ARHGAP6: variants seen among roughly 807,000 people sequenced by gnomAD.
ARHGAP6 encodes the protein Rho GTPase activating protein 6.
ARHGAP6 carries 16 observed loss-of-function variants against 55.7 expected under a neutral mutation model. The observed-to-expected ratio is 0.29, with a 90% CI of 0.19 to 0.44. The LOEUF (loss-of-function observed/expected upper bound fraction) is 0.44. Among genes scored for constraint, ARHGAP6 ranks in the 20% least tolerant of loss-of-function variants. ARHGAP6 has a pLI of 1.00. For synonymous variants in ARHGAP6, 382 were observed against 360.9 expected (o/e 1.06, Z -0.66); for missense variants, 698 against 808.9 (o/e 0.86, Z 1.66).
At chrX:11,386,217 T>C (rs950149752) in intron 1 of ARHGAP6, among the ~76,000 whole-genome samples, 1 of 113,038 alleles carries the variant, frequency 8.8e-6, no homozygotes, top group Non-Finnish European at 1.9e-5. Flanking sequence ...TTGCAATGAC[T>C]CAGATACTAG....
intron 9 of ARHGAP6, among the ~76,000 whole-genome samples, chrX:11,157,256 T>C (rs2045876265): frequency 8.9e-6 from 1 of 112,481 alleles, no homozygotes; most frequent in African/African-American, 3.2e-5. Flanking sequence ...AAATGACTTA[T>C]TATATGTTGA....
At chrX:11,512,061 T>C (rs5935090) in intron 1 of ARHGAP6, among the ~76,000 whole-genome samples, 2,260 of 111,019 alleles carry the variant, frequency 0.02, 29 homozygotes, top group Middle Eastern at 0.069. Context: ...CTCCTGACCT[T>C]GTGATCTGTC....
chrX:11,522,139 G>T (rs895714932), intron 1 of ARHGAP6, among the ~76,000 whole-genome samples: 1 of 111,186 alleles, frequency 9.0e-6, no homozygotes, highest in Non-Finnish European at 1.9e-5. Flanking sequence ...ATGACTACTG[G>T]GTACATAACG....
At chrX:11,274,914 C>G (rs1287256046) in intron 1 of ARHGAP6, among the ~76,000 whole-genome samples, 1 of 111,528 alleles carries the variant, frequency 9.0e-6, no homozygotes, top group Non-Finnish European at 1.9e-5. Context: ...CACTCAATGT[C>G]TAATTTTCTT....
chrX:11,623,993 A>C (rs973518677), intron 1 of ARHGAP6, among the ~76,000 whole-genome samples: 5 of 111,673 alleles, frequency 4.5e-5, no homozygotes, highest in African/African-American at 1.6e-4. Context: ...GCAAAGCTAT[A>C]GCAACCAAGC....
rs777634046 is a variant in ARHGAP6, at chrX:11,246,538, G to A, written c.748+8010C>T. Reference sequence around the variant, plus strand: ...TCCATTCACATCTCAAAGATTTGCTGAGGGCCACTTGTGTATTAGGCAGTA... The same window carrying A: ...TCCATTCACATCTCAAAGATTTGCTAAGGGCCACTTGTGTATTAGGCAGTA... On this transcript the variant is annotated intron_variant, in intron 2 of 12. Transcript: ENST00000337414. 2.7e-5 allele frequency among the ~76,000 whole-genome samples: 3 copies of A among 111,903 alleles called. No homozygotes were observed. In the East Asian group the frequency reaches 8.4e-4, roughly 31 times the overall value.
intron 1 of ARHGAP6, among the ~76,000 whole-genome samples, chrX:11,643,236 AT>A (rs2052493692): frequency 8.9e-6 from 1 of 112,180 alleles, no homozygotes; most frequent in African/African-American, 3.2e-5. Context: ...TTGTAAAAAA[AT>A]AAGTCTAAAA....
chrX:11,596,831 T>A (rs971101072), intron 1 of ARHGAP6, among the ~76,000 whole-genome samples: 2 of 111,853 alleles, frequency 1.8e-5, no homozygotes, highest in Non-Finnish European at 3.8e-5. Context: ...GGCTTGTGAG[T>A]GTCTTGATAT....
intron 1 of ARHGAP6, among the ~76,000 whole-genome samples, chrX:11,349,651 G>C (rs1218948484): frequency 8.9e-6 from 1 of 112,132 alleles, no homozygotes; most frequent in Non-Finnish European, 1.9e-5. Flanking sequence ...GGAATATTAT[G>C]AAATCCAGTA....
intron 1 of ARHGAP6, among the ~76,000 whole-genome samples, chrX:11,520,845 A>T (rs1194975598): frequency 9.0e-6 from 1 of 111,666 alleles, no homozygotes; most frequent in African/African-American, 3.3e-5. Context: ...CTTTTGAATG[A>T]TCGCCATTCT....
At chrX:11,476,494 C>T in intron 1 of ARHGAP6, among the ~76,000 whole-genome samples, 1 of 111,612 alleles carries the variant, frequency 9.0e-6, no homozygotes, top group Middle Eastern at 4.6e-3. Context: ...ATACCAAGAA[C>T]CCAGATTAGC....
At chrX:11,590,316 A>AT (rs2051789593) in intron 1 of ARHGAP6, among the ~76,000 whole-genome samples, 1 of 111,629 alleles carries the variant, frequency 9.0e-6, no homozygotes, top group Admixed American at 9.6e-5. Flanking sequence ...TGATTTCCAA[A>AT]GCTCTGTTTT....
At chrX:11,551,505 CCA>C (rs2051266223) in intron 1 of ARHGAP6, among the ~76,000 whole-genome samples, 1 of 111,283 alleles carries the variant, frequency 9.0e-6, no homozygotes, top group African/African-American at 3.3e-5. Context: ...TTTACTAACT[CCA>C]GAGTTTGACA....
intron 1 of ARHGAP6, among the ~76,000 whole-genome samples, chrX:11,478,457 T>C (rs751893054): frequency 1.8e-5 from 2 of 112,139 alleles, no homozygotes; most frequent in Non-Finnish European, 3.8e-5. Context: ...ATTCCATTTA[T>C]ATGGATTTCA....
At chrX:11,495,459 C>T (rs905032074) in intron 1 of ARHGAP6, among the ~76,000 whole-genome samples, 2 of 112,093 alleles carry the variant, frequency 1.8e-5, no homozygotes, top group African/African-American at 6.5e-5. Flanking sequence ...TTGAAATTCC[C>T]TCTTTTCTTC....
chrX:11,658,624 T>C (rs986414414), intron 1 of ARHGAP6, among the ~76,000 whole-genome samples: 4 of 107,936 alleles, frequency 3.7e-5, no homozygotes, highest in Admixed American at 1.0e-4. Flanking sequence ...TATAGATATA[T>C]TTAGAAATCC....
At chrX:11,574,612 C>T (rs2051573784) in intron 1 of ARHGAP6, among the ~76,000 whole-genome samples, 1 of 110,324 alleles carries the variant, frequency 9.1e-6, no homozygotes, top group Admixed American at 9.7e-5. Flanking sequence ...AACCCACAGC[C>T]AATATCATAC....
chrX:11,570,282 A>G (rs1368706256), intron 1 of ARHGAP6, among the ~76,000 whole-genome samples: 1 of 112,112 alleles, frequency 8.9e-6, no homozygotes, highest in African/African-American at 3.2e-5. Context: ...TTTCAGAAGC[A>G]AATGCATGTT....
intron 1 of ARHGAP6, among the ~76,000 whole-genome samples, chrX:11,639,377 G>A (rs904961174): frequency 9.8e-5 from 10 of 102,492 alleles, no homozygotes; most frequent in East Asian, 7.1e-4. Flanking sequence ...CCCACCACCC[G>A]ACATGCCCCG....
Sources: gnomAD v4.1 joint callset for allele counts (sites outside exome capture counted in the v4.1 genomes callset) on GRCh38, gnomAD v4.1.1 for gene constraint, MANE v1.5 for transcripts, NCBI Gene and HGNC (gene_info 2026-07-23, HGNC 2026-07-21) for gene names.